ITGA11: variants seen among roughly 807,000 people sequenced by gnomAD.
ITGA11 encodes integrin subunit alpha 11.
In ITGA11, 97 loss-of-function variants were observed where a neutral mutation model predicts 141.9. The observed-to-expected ratio is 0.68, with a 90% CI of 0.58 to 0.81. ITGA11 has a LOEUF of 0.81. Ranked by LOEUF, ITGA11 falls within the 30% of genes least tolerant of loss-of-function variation. The pLI, the probability that ITGA11 is intolerant of heterozygous loss-of-function variation, is 0.00. For missense variants in ITGA11, 1,387 were observed against 1,559.2 expected, an observed-to-expected ratio of 0.89 and a Z score of 1.86; for synonymous variants, 658 against 624.6, an observed-to-expected ratio of 1.05 and a Z score of -0.80.
In ITGA11 at chr15:68,333,501, C is replaced by T. The variant is rs1201646308; in HGVS notation, c.1426-1023G>A. On this transcript the variant is annotated intron_variant, in intron 12 of 29. Coordinates refer to ENST00000315757, the MANE Select transcript of ITGA11 (RefSeq NM_001004439.2). This position sits in a 1 kb window ranked among gnomAD's most constrained non-coding sequence, Gnocchi z 4.2. Reference sequence around the variant, plus strand: ...CTGTGTTCCCCTTCTGTTTGGGGTACAGTGCTCCCCACTTCAGTGAGGGCA... The same window carrying T: ...CTGTGTTCCCCTTCTGTTTGGGGTATAGTGCTCCCCACTTCAGTGAGGGCA... 6.6e-6 allele frequency among the ~76,000 whole-genome samples: 1 copy of T among 152,156 alleles called. No individual in the cohort carries two copies. The highest frequency in any genetic ancestry group is 1.5e-5 in the Non-Finnish European group (1 of 68,010).
chr15:68,380,682 A>T (rs1025539133), intron 2 of ITGA11, among the ~76,000 whole-genome samples: 1 of 152,122 alleles, frequency 6.6e-6, no homozygotes, highest in African/African-American at 2.4e-5. Flanking sequence ...GCTCACAGGG[A>T]GGGTCCCGCA....
intron 2 of ITGA11, among the ~76,000 whole-genome samples, chr15:68,374,210 T>C (rs1469815799): frequency 1.3e-5 from 2 of 152,142 alleles, no homozygotes; most frequent in Admixed American, 1.3e-4. Flanking sequence ...ACCAGCACCA[T>C]GTATATTATT....
chr15:68,431,454 C>T (rs568400283), intron 1 of ITGA11, among the ~76,000 whole-genome samples: 3 of 152,236 alleles, frequency 2.0e-5, no homozygotes, highest in Admixed American at 1.3e-4. Context: ...CCCCGCCTAC[C>T]GGCCATCGCC....
chr15:68,327,055 A>T lies in ITGA11; in HGVS notation c.2069-259T>A, dbSNP rs1360746213. Among the ~76,000 whole-genome samples the T allele has an allele frequency of 2.0e-5, 3 of 151,976 alleles. No homozygotes were observed. The East Asian group carries it at 5.8e-4, about 30-fold the overall frequency. On this transcript the variant is annotated intron_variant, in intron 16 of 29. Transcript: ENST00000315757. Reference sequence around the variant, plus strand: ...GAAGTGGAGGGAAAGTGAACACCGCAGATGAGGAGGGGAGACAGGATGTGG... The same window carrying T: ...GAAGTGGAGGGAAAGTGAACACCGCTGATGAGGAGGGGAGACAGGATGTGG...
In ITGA11 at chr15:68,322,661, G is replaced by A. The variant is rs1001549911; in HGVS notation, c.2323-1158C>T. ...ACAGGTGGATCAACTGAGGTCAGGA[G>A]TTCAAGAACAACCAGGCCAACATGG... On this transcript the variant is annotated intron_variant, in intron 18 of 29. Transcript: ENST00000315757. This position sits in a 1 kb window ranked among gnomAD's most constrained non-coding sequence, Gnocchi z 5.6. 6.6e-6 allele frequency among the ~76,000 whole-genome samples: 1 copy of A among 152,070 alleles called. No homozygotes were observed. Among genetic ancestry groups the A allele is most frequent in the Non-Finnish European group, 1.5e-5 (1 of 68,022 alleles).
chr15:68,401,497 A>G (rs2140411035), intron 2 of ITGA11, among the ~76,000 whole-genome samples: 1 of 152,356 alleles, frequency 6.6e-6, no homozygotes, highest in Admixed American at 6.5e-5. Context: ...ACATTGTTGT[A>G]GATTAATACA....
In ITGA11 at chr15:68,307,483, C is replaced by A. The variant is rs1279920408; in HGVS notation, c.3286-40G>T. 3 of 1,534,940 alleles carry A rather than the reference C, an allele frequency of 2.0e-6. No individual in the cohort carries two copies. The highest frequency in any genetic ancestry group is 2.7e-5 in the African/African-American group (2 of 72,800). On this transcript the variant is annotated intron_variant, in intron 27 of 29. Transcript: ENST00000315757. The surrounding 1 kb of genome is among the most constrained non-coding windows in gnomAD (Gnocchi z 6.1). ...GGCTCGTCAGAAGCTGGCTTGGAAG[C>A]TTTTCTTCCCGTCCCCTCCCCAGGC... is the stretch of plus-strand genomic sequence containing the variant.
intron 2 of ITGA11, among the ~76,000 whole-genome samples, chr15:68,401,952 C>T (rs1057228889): frequency 1.3e-5 from 2 of 150,116 alleles, no homozygotes; most frequent in East Asian, 3.9e-4. Context: ...GAGGGTGTCA[C>T]AGAAGGGAAG....
At chr15:68,341,919 TAC>T (rs1199020167) in intron 10 of ITGA11, among the ~76,000 whole-genome samples, 6 of 152,204 alleles carry the variant, frequency 3.9e-5, no homozygotes, top group Non-Finnish European at 7.3e-5. Flanking sequence ...GGCGATCGCT[TAC>T]AGTCTCCCAC....
rs1895517563 is a variant in ITGA11, at chr15:68,369,296, GAGA to G, written c.165-15_165-13del. The G allele has an allele frequency of 6.4e-7, 1 of 1,561,252 alleles. No individual in the cohort carries two copies. Among genetic ancestry groups the G allele is most frequent in the Non-Finnish European group, 8.7e-7 (1 of 1,145,256 alleles). On this transcript the variant is annotated splice_polypyrimidine_tract_variant and intron_variant, in intron 2 of 29. Transcript: ENST00000315757. The stretch of plus-strand genomic sequence containing the variant: ...CGCCCACGACCAGCCTGGGAAGGAA[GAGA>G]AGATGAGCAAAGACATTGGGGGAGG...
chr15:68,406,893 C>T (rs1404487407), intron 1 of ITGA11, among the ~76,000 whole-genome samples: 1 of 152,162 alleles, frequency 6.6e-6, no homozygotes, highest in African/African-American at 2.4e-5. Flanking sequence ...AAATCTCACA[C>T]CAACCCCATG....
chr15:68,427,691 C>T (rs1454552174), intron 1 of ITGA11, among the ~76,000 whole-genome samples: 2 of 152,164 alleles, frequency 1.3e-5, no homozygotes, highest in African/African-American at 4.8e-5. Flanking sequence ...CTCCTCCTCT[C>T]CTTCTCCTGT....
intron 23 of ITGA11, among the ~76,000 whole-genome samples, 161 bp from the exon 24 acceptor site, chr15:68,313,024 T>C (rs1893446559): frequency 6.6e-6 from 1 of 152,230 alleles, no homozygotes; most frequent in South Asian, 2.1e-4. Context: ...GGAAGGATTC[T>C]GAGCCTTTGC....
At chr15:68,404,608 T>G (rs1332916827) in intron 1 of ITGA11, among the ~76,000 whole-genome samples, 1 of 152,152 alleles carries the variant, frequency 6.6e-6, no homozygotes, top group African/African-American at 2.4e-5. Context: ...GCAGATGCAC[T>G]TGGTGCAGTA....
At chr15:68,369,920 G>T (rs925330421) in intron 2 of ITGA11, among the ~76,000 whole-genome samples, 75 of 152,210 alleles carry the variant, frequency 4.9e-4, no homozygotes, top group African/African-American at 1.7e-3. Flanking sequence ...GATCATCCTG[G>T]ATTATCTGGG....
intron 2 of ITGA11, among the ~76,000 whole-genome samples, chr15:68,377,009 C>A (rs1895746132): frequency 6.6e-6 from 1 of 152,240 alleles, no homozygotes; most frequent in Non-Finnish European, 1.5e-5. Context: ...AGTAAAGCAG[C>A]ACTTCTACCC....
At chr15:68,329,387 G>A (rs1311075252) in intron 15 of ITGA11, among the ~76,000 whole-genome samples, 2 of 152,190 alleles carry the variant, frequency 1.3e-5, no homozygotes, top group African/African-American at 2.4e-5. Context: ...TAAAGCCTGG[G>A]CAATGACATT....
At chr15:68,343,966 A>G (rs1894653800) in intron 10 of ITGA11, among the ~76,000 whole-genome samples, 1 of 152,058 alleles carries the variant, frequency 6.6e-6, no homozygotes, top group Non-Finnish European at 1.5e-5. Context: ...AGCTGGGGTG[A>G]GCAGAAGGGG....
chr15:68,330,076 G>A (rs564172668), intron 15 of ITGA11, among the ~76,000 whole-genome samples: 12 of 152,338 alleles, frequency 7.9e-5, no homozygotes, highest in African/African-American at 2.6e-4. Context: ...GCTCGGCATC[G>A]GTGCTCTCTT....
Sources: allele counts gnomAD v4.1 joint callset (sites outside exome capture counted in the v4.1 genomes callset), GRCh38; gene constraint gnomAD v4.1.1; non-coding constraint Gnocchi (gnomAD v3.1); transcripts MANE v1.5; gene names NCBI Gene and HGNC (gene_info 2026-07-23, HGNC 2026-07-21).